RPS6KC1: variants seen among roughly 807,000 people sequenced by gnomAD.
The protein encoded by RPS6KC1 is ribosomal protein S6 kinase C1, also known as inactive ribosomal protein S6 kinase delta-1.
In RPS6KC1, 54 loss-of-function variants were observed where a neutral mutation model predicts 103.8. The observed-to-expected ratio is 0.52, with a 90% CI of 0.42 to 0.65. The LOEUF is 0.65. Ranked by LOEUF, RPS6KC1 falls within the 30% of genes least tolerant of loss-of-function variation. The pLI is 0.00. For synonymous variants in RPS6KC1, 439 were observed against 438.7 expected, an observed-to-expected ratio of 1.00 and a Z score of -0.01; for missense variants, 1,151 against 1,253.8, an observed-to-expected ratio of 0.92 and a Z score of 1.24.
At chr1:213,193,669 T>C (rs894386531) in intron 8 of RPS6KC1, among the ~76,000 whole-genome samples, 1 of 152,160 alleles carries the variant, frequency 6.6e-6, no homozygotes, top group African/African-American at 2.4e-5. Context: ...GGAGTCTCAC[T>C]ACGTCACCCA....
chr1:213,532,777 G>T, the RPS6KC1 span, among the ~76,000 whole-genome samples: 4 of 152,188 alleles, frequency 2.6e-5, no homozygotes, highest in Non-Finnish European at 4.4e-5. Flanking sequence ...AAGCAACTGC[G>T]TCATGGATTT....
chr1:213,816,608 T>G, the RPS6KC1 span, among the ~76,000 whole-genome samples: 13 of 151,908 alleles, frequency 8.6e-5, no homozygotes, highest in African/African-American at 3.1e-4. Context: ...AACCCAGCAA[T>G]CAGCAATTTC....
chr1:213,158,344 T>A (rs2090123986), intron 6 of RPS6KC1, among the ~76,000 whole-genome samples: 1 of 152,242 alleles, frequency 6.6e-6, no homozygotes, highest in East Asian at 1.9e-4. Flanking sequence ...GTGCTTGCTA[T>A]TCCAGCACCC....
chr1:213,689,324 T>C, the RPS6KC1 span, among the ~76,000 whole-genome samples: 11 of 152,326 alleles, frequency 7.2e-5, no homozygotes, highest in Admixed American at 1.3e-4. Context: ...TCCAAAGCAC[T>C]ACCTCTACTC....
chr1:213,545,138 G>A, the RPS6KC1 span, among the ~76,000 whole-genome samples: 1 of 152,110 alleles, frequency 6.6e-6, no homozygotes, highest in Non-Finnish European at 1.5e-5. Context: ...GACTGAGGTG[G>A]GCGGATCATC....
the RPS6KC1 span, among the ~76,000 whole-genome samples, chr1:213,683,707 C>G: frequency 6.6e-6 from 1 of 152,210 alleles, no homozygotes; most frequent in Admixed American, 6.5e-5. Flanking sequence ...CCTCATCCCC[C>G]TTGCCCCACC....
chr1:213,550,509 C>T, the RPS6KC1 span, among the ~76,000 whole-genome samples: 2 of 152,070 alleles, frequency 1.3e-5, no homozygotes, highest in Non-Finnish European at 2.9e-5. Flanking sequence ...GCTTGCCTCG[C>T]CACTCTGTAT....
At chr1:213,779,885 A>G in the RPS6KC1 span, among the ~76,000 whole-genome samples, 124 of 152,296 alleles carry the variant, frequency 8.1e-4, no homozygotes, top group African/African-American at 2.8e-3. Flanking sequence ...TTAAATGTCT[A>G]TAGTAAGAAG....
At chr1:213,780,665 A>G in the RPS6KC1 span, among the ~76,000 whole-genome samples, 3 of 152,172 alleles carry the variant, frequency 2.0e-5, no homozygotes, top group South Asian at 2.1e-4. Flanking sequence ...GGAAAAGAAG[A>G]AGGCCCTAGT....
the RPS6KC1 span, among the ~76,000 whole-genome samples, chr1:213,424,250 G>A: frequency 1.3e-5 from 2 of 152,154 alleles, no homozygotes; most frequent in African/African-American, 2.4e-5. Flanking sequence ...GGCTTTCTAC[G>A]AACATCCCTG....
the RPS6KC1 span, among the ~76,000 whole-genome samples, chr1:213,318,398 G>A: frequency 6.6e-6 from 1 of 152,234 alleles, no homozygotes; most frequent in Admixed American, 6.5e-5. Flanking sequence ...TGCTATGGGT[G>A]GTCTGGGATA....
intron 4 of RPS6KC1, among the ~76,000 whole-genome samples, chr1:213,105,458 T>C (rs774788573): frequency 6.6e-6 from 1 of 152,072 alleles, no homozygotes; most frequent in Non-Finnish European, 1.5e-5. Flanking sequence ...TATGTATGAA[T>C]AGTGAGATAT....
At chr1:213,217,307 C>T (rs2093692426) in intron 8 of RPS6KC1, among the ~76,000 whole-genome samples, 1 of 152,024 alleles carries the variant, frequency 6.6e-6, no homozygotes, top group South Asian at 2.1e-4. Context: ...ATACACCCTC[C>T]CAAGACTAAA....
the RPS6KC1 span, among the ~76,000 whole-genome samples, chr1:213,787,552 G>T: frequency 2.0e-5 from 3 of 152,146 alleles, no homozygotes; most frequent in East Asian, 1.9e-4. Flanking sequence ...GATCTTACAG[G>T]TGGAGTTCAC....
chr1:213,241,073 C>T lies in RPS6KC1; in HGVS notation c.1597C>T (p.Pro533Ser), dbSNP rs2094340363. 3.1e-6 allele frequency: 5 copies of T among 1,613,438 alleles called. No homozygotes were observed. Among genetic ancestry groups the T allele is most frequent in the Non-Finnish European group, 4.2e-6 (5 of 1,179,884 alleles). ...TGAACCAGGGTCTTTGAATGAGGAG[C>T]CCTTCATGAAGACTGAAGGGAATGG... The part of the protein sequence containing the change: ...KIEPGSLNEE[P>S]FMKTEGNGVD... Residue 533 changes from proline to serine, a missense_variant, in exon 11 of 15, where the codon CCC (proline) becomes TCC (serine). By Grantham distance (74) the Pro-to-Ser change is moderately conservative (BLOSUM62 -1). Around this residue, in one of 3 missense-constraint regions of RPS6KC1, gnomAD observed 959 missense variants for 1,006.3 expected, o/e 0.95. Coordinates refer to ENST00000366960, the MANE Select transcript of RPS6KC1 (RefSeq NM_012424.6).
At chr1:213,183,913 TACTGTC>T (rs956905628) in intron 8 of RPS6KC1, among the ~76,000 whole-genome samples, 36 of 152,120 alleles carry the variant, frequency 2.4e-4, no homozygotes, top group South Asian at 8.3e-4. Context: ...CACCAATTAT[TACTGTC>T]AGGAATGAAA....
At chr1:213,800,549 T>A in the RPS6KC1 span, among the ~76,000 whole-genome samples, 1 of 152,114 alleles carries the variant, frequency 6.6e-6, no homozygotes, top group African/African-American at 2.4e-5. Flanking sequence ...GATATGAGCA[T>A]AATTTCATAT....
intron 2 of RPS6KC1, among the ~76,000 whole-genome samples, chr1:213,074,879 G>A (rs1348383842): frequency 9.1e-5 from 9 of 98,412 alleles, no homozygotes; most frequent in Admixed American, 8.3e-4. Flanking sequence ...TTTTTACGGA[G>A]TCTCGCTCTG....
the RPS6KC1 span, among the ~76,000 whole-genome samples, chr1:213,646,583 A>AC: frequency 6.6e-6 from 1 of 152,158 alleles, no homozygotes; most frequent in Non-Finnish European, 1.5e-5. Context: ...ATTGCACTCT[A>AC]CACTTGGGAC....
Sources: gnomAD v4.1 joint callset for allele counts (sites outside exome capture counted in the v4.1 genomes callset) on GRCh38, gnomAD v4.1.1 for gene constraint, gnomAD v4.1.1 regional missense constraint, MANE v1.5 for transcripts, NCBI Gene and HGNC (gene_info 2026-07-23, HGNC 2026-07-21) for gene names.